The following GTF2H5 variants were observed in gnomAD, a reference collection of about 807,000 sequenced individuals.
GTF2H5 encodes the protein TFB5 ortholog.
In GTF2H5, 5 loss-of-function variants were observed where a neutral mutation model predicts 7.1. That is an observed-to-expected ratio of 0.71 (90% CI 0.37 to 1.49). GTF2H5 has a LOEUF of 1.49. Among genes scored for constraint, GTF2H5 ranks in the 40% most tolerant of loss-of-function variants. GTF2H5 has a pLI of 0.03. For missense variants in GTF2H5, 80 were observed against 83.0 expected (o/e 0.96, Z 0.14); for synonymous variants, 30 against 31.7 (o/e 0.95, Z 0.18).
At chr6:158,174,885 ATGGCAAAAC>A (rs1785907942) in intron 2 of GTF2H5, among the ~76,000 whole-genome samples, 1 of 152,216 alleles carries the variant, frequency 6.6e-6, no homozygotes, top group South Asian at 2.1e-4. Context: ...AGTAAGAAGT[ATGGCAAAAC>A]CAGTCTAACC....
intron 2 of GTF2H5, among the ~76,000 whole-genome samples, chr6:158,189,986 T>C (rs2128431865): frequency 6.6e-6 from 1 of 152,316 alleles, no homozygotes. Context: ...TTGGGTTTTC[T>C]TTCTACCTCG....
At chr6:158,174,171 AT>A (rs1785898609) in intron 2 of GTF2H5, among the ~76,000 whole-genome samples, 1 of 152,080 alleles carries the variant, frequency 6.6e-6, no homozygotes. Flanking sequence ...GTCCTGCTGA[AT>A]TCCTATCTCA....
Position 158,169,439 on chromosome 6 carries a change from A to T in GTF2H5, c.-34-1031A>T, listed in dbSNP as rs1304082243. Among the ~76,000 whole-genome samples the T allele has an allele frequency of 5.3e-5, 3 of 57,118 alleles. 1 individual carries two copies. The highest frequency in any genetic ancestry group is 3.1e-4 in the African/African-American group (3 of 9,692). 37.5% of individuals were successfully genotyped at this position (57,118 alleles called of 152,430 possible). A position where few individuals can be genotyped will look rare whatever the true frequency, so the allele number is the denominator to read the frequency against. On this transcript the variant is annotated intron_variant, in intron 1 of 2. Transcript: ENST00000607778. ...TATTATATATAATATATTGTATATTATATATATTATATATTATATATATTA... is the reference window on the plus strand; with the variant it reads ...TATTATATATAATATATTGTATATTTTATATATTATATATTATATATATTA...
At chr6:158,187,052 T>C (rs900768538) in intron 2 of GTF2H5, among the ~76,000 whole-genome samples, 1 of 152,016 alleles carries the variant, frequency 6.6e-6, no homozygotes, top group Non-Finnish European at 1.5e-5. Flanking sequence ...TGGAGTGCAA[T>C]GGTGTGATCT....
At chr6:158,187,022 C>T (rs1776937872) in intron 2 of GTF2H5, among the ~76,000 whole-genome samples, 1 of 151,904 alleles carries the variant, frequency 6.6e-6, no homozygotes, top group South Asian at 2.1e-4. Flanking sequence ...TAGACGAAGT[C>T]TCCCTCTTGT....
chr6:158,187,157 G>A (rs9457148), intron 2 of GTF2H5, among the ~76,000 whole-genome samples: 9,191 of 151,908 alleles, frequency 0.061, 938 homozygotes, highest in African/African-American at 0.21. Flanking sequence ...ACCACGCCCG[G>A]CTAATTTTTG....
intron 2 of GTF2H5, among the ~76,000 whole-genome samples, chr6:158,174,956 C>A (rs1785909061): frequency 6.6e-6 from 1 of 151,486 alleles, no homozygotes; most frequent in South Asian, 2.1e-4. Context: ...GCCTTTGCCT[C>A]TTAGTAGGGC....
chr6:158,187,716 T>G (rs113174429), intron 2 of GTF2H5, among the ~76,000 whole-genome samples: 16 of 152,240 alleles, frequency 1.1e-4, no homozygotes, highest in African/African-American at 3.9e-4. Flanking sequence ...TACAGGTGCC[T>G]GCCACCACAT....
In GTF2H5 at chr6:158,193,360, C is replaced by T. The variant is rs1442323517; in HGVS notation, c.*1203C>T. On this transcript the variant is annotated 3_prime_UTR_variant, in exon 3 of 3. Transcript: ENST00000607778. ...GATCAATTGAAGGCAAAAACAGTAA[C>T]ACTGAGAGGGGCTTTGCTTCCCTTC... is the stretch of plus-strand genomic sequence containing the variant. 6.6e-6 allele frequency: 1 copy of T among 152,030 alleles called. No homozygotes were observed. The highest frequency in any genetic ancestry group is 2.4e-5 in the African/African-American group (1 of 41,400). 9.4% of individuals were successfully genotyped at this position (152,030 alleles called of 1,614,324 possible).
chr6:158,170,515 C>T lies in GTF2H5; in HGVS notation c.12C>T (p.Val4=), dbSNP rs1343920480. 6.2e-6 allele frequency: 10 copies of T among 1,610,042 alleles called. No homozygotes were observed. The highest frequency in any genetic ancestry group is 8.5e-6 in the Non-Finnish European group (10 of 1,176,264). The change falls in exon 2 of 3, where the codon GTC becomes GTT. Residue 4 remains valine (V), a synonymous_variant. Transcript: ENST00000607778. MVN[V]LKGVLIECDP... is the part of the protein sequence containing the mutation. ...CCTTCTGAGAAAACATGGTCAACGT[C>T]TTGAAAGGAGTGCTTATAGAATGGT...
At chr6:158,185,320 G>T (rs1439640971) in intron 2 of GTF2H5, among the ~76,000 whole-genome samples, 1 of 151,912 alleles carries the variant, frequency 6.6e-6, no homozygotes, top group African/African-American at 2.4e-5. Flanking sequence ...CTGGAGGATC[G>T]CCCAAGCCCA....
Position 158,196,512 on chromosome 6 carries a change from T to A in GTF2H5, c.*4355T>A, listed in dbSNP as rs1777116030. ...TGGAAAATGCATATTATGAAAAAAA[T>A]TATGCATAGATTTCAAAAATCTTTG... On this transcript the variant is annotated 3_prime_UTR_variant, in exon 3 of 3. Coordinates refer to ENST00000607778, the MANE Select transcript of GTF2H5 (RefSeq NM_207118.3). 1 of 152,260 alleles carries A rather than the reference T, an allele frequency of 6.6e-6. No individual in the cohort carries two copies. Among genetic ancestry groups the A allele is most frequent in the East Asian group, 1.9e-4 (1 of 5,182 alleles). The allele number at this position is 152,260 out of a possible 1,614,324, so 9.4% of individuals were successfully genotyped here. A position where few individuals can be genotyped will look rare whatever the true frequency, so the allele number is the denominator to read the frequency against.
intron 2 of GTF2H5, among the ~76,000 whole-genome samples, chr6:158,182,045 CAG>C (rs1303899429): frequency 6.6e-6 from 1 of 152,160 alleles, no homozygotes; most frequent in Non-Finnish European, 1.5e-5. Flanking sequence ...GTGTTTCCTT[CAG>C]GAGCTCTTGT....
intron 2 of GTF2H5, chr6:158,190,747 T>G (rs1375817469): frequency 5.1e-6 from 2 of 390,680 alleles, no homozygotes; most frequent in Admixed American, 6.6e-5. Flanking sequence ...CAATTGATAT[T>G]GACATTTCTC....
intron 2 of GTF2H5, among the ~76,000 whole-genome samples, chr6:158,177,510 T>C (rs1785949458): frequency 6.6e-6 from 1 of 152,150 alleles, no homozygotes; most frequent in African/African-American, 2.4e-5. Context: ...ACATCAGGGA[T>C]AAGGTATGCA....
chr6:158,185,496 G>A (rs1470641182), intron 2 of GTF2H5, among the ~76,000 whole-genome samples: 1 of 148,434 alleles, frequency 6.7e-6, no homozygotes, highest in African/African-American at 2.5e-5. Context: ...AATTGGGATT[G>A]TGCCACTGCA....
At position 158,195,153 on chromosome 6, in the gene GTF2H5, T is replaced by G. The variant is rs1777089122; in HGVS notation, c.*2996T>G. 1 of 152,082 alleles carries G rather than the reference T, an allele frequency of 6.6e-6. No homozygotes were observed. The highest frequency in any genetic ancestry group is 1.5e-5 in the Non-Finnish European group (1 of 68,022). 9.4% of individuals were successfully genotyped at this position (152,082 alleles called of 1,614,324 possible). A position where few individuals can be genotyped will look rare whatever the true frequency, so the allele number is the denominator to read the frequency against. Reference sequence around the variant, plus strand: ...AAGAAATTTATGACTTTTTTTTTTTTTTTAAATAAAGTCCTAAAGGTAGCA... The same window carrying G: ...AAGAAATTTATGACTTTTTTTTTTTGTTTAAATAAAGTCCTAAAGGTAGCA... On this transcript the variant is annotated 3_prime_UTR_variant, in exon 3 of 3. Transcript: ENST00000607778.
chr6:158,174,495 A>G (rs1408563952), intron 2 of GTF2H5, among the ~76,000 whole-genome samples: 2 of 152,230 alleles, frequency 1.3e-5, no homozygotes, highest in Non-Finnish European at 2.9e-5. Context: ...TGAAGGCTAT[A>G]AAAGAAGTTT....
In GTF2H5 at chr6:158,169,450, A is replaced by G. The variant is rs1403868885; in HGVS notation, c.-34-1020A>G. Among the ~76,000 whole-genome samples, 4 of 74,392 alleles carry G rather than the reference A, an allele frequency of 5.4e-5. 2 individuals are homozygous for G. The highest frequency in any genetic ancestry group is 8.9e-5 in the Non-Finnish European group (4 of 45,114). 48.8% of individuals were successfully genotyped at this position (74,392 alleles called of 152,430 possible). On this transcript the variant is annotated intron_variant, in intron 1 of 2. Coordinates refer to ENST00000607778, the MANE Select transcript of GTF2H5 (RefSeq NM_207118.3). ...ATATATTGTATATTATATATATTAT[A>G]TATTATATATATTATATTGTATATT...
Sources: allele counts gnomAD v4.1 joint callset (sites outside exome capture counted in the v4.1 genomes callset), GRCh38; gene constraint gnomAD v4.1.1; transcripts MANE v1.5; gene names NCBI Gene and HGNC (gene_info 2026-07-23, HGNC 2026-07-21).